FDFT1: variants seen among roughly 807,000 people sequenced by gnomAD.
The protein encoded by FDFT1 is farnesyl-diphosphate farnesyltransferase 1, also known as squalene synthase.
In FDFT1, 68 loss-of-function variants were observed where a neutral mutation model predicts 46.8. The observed-to-expected ratio is 1.45, with a 90% confidence interval of 1.19 to 1.78. The LOEUF (loss-of-function observed/expected upper bound fraction) is 1.78, where lower values mean the gene tolerates loss of function less well. Ranked by LOEUF, FDFT1 falls within the 40% of genes most tolerant of loss-of-function variation. The pLI is 0.00. For synonymous variants in FDFT1, 351 were observed against 185.1 expected (o/e 1.90, Z -7.28); for missense variants, 928 against 524.4 (o/e 1.77, Z -7.52).
intron 5 of FDFT1, among the ~76,000 whole-genome samples, chr8:11,828,928 C>T (rs796442129): frequency 2.0e-5 from 3 of 152,124 alleles, no homozygotes; most frequent in African/African-American, 7.2e-5. Context: ...TTGGGTTCTT[C>T]CCATTTTTTT....
chr8:11,811,416 C>T (rs1001030317), intron 3 of FDFT1, among the ~76,000 whole-genome samples: 1 of 152,216 alleles, frequency 6.6e-6, no homozygotes, highest in South Asian at 2.1e-4. Context: ...TAAAAAATTT[C>T]TGGGGCATGG....
intron 1 of FDFT1, 117 bp from the exon 2 acceptor site, chr8:11,808,677 G>C (rs1449627831): frequency 6.7e-7 from 1 of 1,482,032 alleles, no homozygotes; most frequent in Non-Finnish European, 9.0e-7. Flanking sequence ...GCCTCGGGGA[G>C]AGGGCGGCAG....
At chr8:11,817,450 C>A (rs1171174940) in intron 3 of FDFT1, among the ~76,000 whole-genome samples, 2 of 152,188 alleles carry the variant, frequency 1.3e-5, no homozygotes, top group Non-Finnish European at 2.9e-5. Context: ...GTACCAGCTC[C>A]TCTTTGTACC....
At chr8:11,836,296 C>T (rs1227148125) in intron 7 of FDFT1, among the ~76,000 whole-genome samples, 3 of 152,214 alleles carry the variant, frequency 2.0e-5, no homozygotes, top group Non-Finnish European at 2.9e-5. Context: ...GTGTGAGACC[C>T]TGTGTGTCAC....
rs1736093 is a variant in FDFT1 at position 11,809,987 on chromosome 8, C to G, written c.381+137C>G. ...AGCATAATGTGAGGGTTAAAAACTCCGGTAGCCAAGACTCTGAAGCCAGGC... is the reference window on the plus strand; with the variant it reads ...AGCATAATGTGAGGGTTAAAAACTCGGGTAGCCAAGACTCTGAAGCCAGGC... On this transcript the variant is annotated intron_variant, in intron 3 of 7. Coordinates refer to ENST00000220584, the MANE Select transcript of FDFT1 (RefSeq NM_004462.5). 10 of 629,664 alleles carry G rather than the reference C, an allele frequency of 1.6e-5. No homozygotes were observed. The East Asian group carries it at 2.9e-4, about 19-fold the overall frequency. 39.0% of individuals were successfully genotyped at this position (629,664 alleles called of 1,614,324 possible).
intron 1 of FDFT1, chr8:11,808,586 C>A: frequency 7.2e-7 from 1 of 1,387,326 alleles, no homozygotes; most frequent in Middle Eastern, 2.4e-4. Context: ...TGAGTCCCGC[C>A]GCGGCGCCCA....
chr8:11,803,149 G>C, intron 1 of FDFT1: 3 of 1,428,236 alleles, frequency 2.1e-6, no homozygotes, highest in Non-Finnish European at 1.8e-6. Context: ...AGCCGCCCTG[G>C]GCATGAGCGA....
chr8:11,811,671 T>TG (rs775797524), intron 3 of FDFT1, among the ~76,000 whole-genome samples: 7 of 152,240 alleles, frequency 4.6e-5, no homozygotes, highest in Admixed American at 6.5e-5. Flanking sequence ...TTTTCTTTTT[T>TG]GGGTAGTAGA....
At chr8:11,808,367 G>A (rs896453160) in intron 1 of FDFT1, 19 of 1,235,382 alleles carry the variant, frequency 1.5e-5, no homozygotes, top group Admixed American at 4.2e-5. Context: ...CGGGAGGCCG[G>A]GGGCGGGGCT....
At position 11,821,812 on chromosome 8, in the gene FDFT1, G is replaced by A. The variant is rs760854765; in HGVS notation, c.444G>A (p.Arg148=). ...AAACAGTGATTGCCGACATTTGCCG[G>A]AGAATGGGCATTGGGATGGCAGAGT... is the stretch of plus-strand genomic sequence containing the variant. The part of the protein sequence containing the change: ...KYQTVIADIC[R]RMGIGMAEFL... Residue 148 remains arginine, a synonymous_variant, in exon 4 of 8, where the codon CGG becomes CGA. Transcript: ENST00000220584. 1.2e-6 allele frequency: 2 copies of A among 1,613,790 alleles called. No homozygotes were observed. Among genetic ancestry groups the A allele is most frequent in the Non-Finnish European group, 1.7e-6 (2 of 1,179,748 alleles).
chr8:11,838,398 G>C lies in FDFT1; in HGVS notation c.1043G>C (p.Arg348Thr). The change falls in exon 8 of 8, where the codon AGA (arginine) becomes ACA (threonine). Residue 348 changes from arginine (R) to threonine (T), a missense_variant. By Grantham distance (71) the Arg-to-Thr change is moderately conservative. Coordinates refer to ENST00000220584, the MANE Select transcript of FDFT1 (RefSeq NM_004462.5). ...IYQYMEEIYH[R>T]IPDSDPSSSK... Reference sequence around the variant, plus strand: ...CTGTGTCTTTAACAGATTTATCATAGAATCCCCGACTCAGACCCATCTTCT... The same window carrying C: ...CTGTGTCTTTAACAGATTTATCATACAATCCCCGACTCAGACCCATCTTCT... 3.7e-6 allele frequency: 6 copies of C among 1,613,348 alleles called. No individual in the cohort carries two copies. The South Asian group carries it at 4.4e-5, about 12-fold the overall frequency.
chr8:11,812,797 C>G (rs534512934), intron 3 of FDFT1, among the ~76,000 whole-genome samples: 54 of 152,300 alleles, frequency 3.5e-4, no homozygotes, highest in Non-Finnish European at 6.6e-4. Flanking sequence ...GAACCTGATC[C>G]TTTATACTTT....
At chr8:11,816,893 AC>A (rs544326907) in intron 3 of FDFT1, among the ~76,000 whole-genome samples, 83 of 152,222 alleles carry the variant, frequency 5.5e-4, no homozygotes, top group Middle Eastern at 3.4e-3. Flanking sequence ...GGCCAGAACT[AC>A]CAATACTGTG....
intron 5 of FDFT1, among the ~76,000 whole-genome samples, chr8:11,828,900 T>C (rs1353877738): frequency 1.3e-5 from 2 of 152,234 alleles, no homozygotes; most frequent in Non-Finnish European, 2.9e-5. Flanking sequence ...ATTTATCCAT[T>C]CATCAGTTGA....
chr8:11,809,466 A>T (rs534547769), intron 2 of FDFT1: 1 of 1,300,318 alleles, frequency 7.7e-7, no homozygotes, highest in African/African-American at 1.5e-5. Context: ...CTTTTTAATA[A>T]ACTACAGAAG....
chr8:11,833,902 A>G (rs1246054740), intron 7 of FDFT1, among the ~76,000 whole-genome samples: 1 of 152,272 alleles, frequency 6.6e-6, no homozygotes, highest in East Asian at 1.9e-4. Context: ...GATTTGATTT[A>G]GGGAAATCTT....
At chr8:11,808,450 C>G (rs1032577) in intron 1 of FDFT1, 61 of 1,265,556 alleles carry the variant, frequency 4.8e-5, no homozygotes, top group Non-Finnish European at 5.8e-5. Flanking sequence ...CCGTCCCGCC[C>G]CTCGTCGGGC....
intron 4 of FDFT1, 100 bp downstream of exon 4, chr8:11,821,978 C>A: frequency 2.1e-6 from 3 of 1,402,028 alleles, no homozygotes; most frequent in Non-Finnish European, 3.0e-6. Flanking sequence ...GTATTTTCAG[C>A]CCCTCTGGTT....
At chr8:11,812,734 G>A (rs980750578) in intron 3 of FDFT1, among the ~76,000 whole-genome samples, 6 of 152,158 alleles carry the variant, frequency 3.9e-5, no homozygotes, top group East Asian at 1.9e-4. Flanking sequence ...TTAGGAATAA[G>A]CCTCAATACA....
Sources: allele counts gnomAD v4.1 joint callset (sites outside exome capture counted in the v4.1 genomes callset), GRCh38; gene constraint gnomAD v4.1.1; transcripts MANE v1.5; gene names NCBI Gene and HGNC (gene_info 2026-07-23, HGNC 2026-07-21).